Variants in KSR2 observed in about 807,000 individuals in gnomAD.
KSR2 encodes the protein kinase suppressor of ras 2.
In KSR2, 25 loss-of-function variants were observed where a neutral mutation model predicts 107.8. That is an observed-to-expected ratio of 0.23 (90% CI 0.17 to 0.32). The LOEUF (loss-of-function observed/expected upper bound fraction) is 0.32. KSR2 is among the 10% of genes least tolerant of loss of function. The pLI is 1.00. For missense variants in KSR2, 887 were observed against 1,268.9 expected (o/e 0.70, Z 4.57); for synonymous variants, 480 against 507.0 (o/e 0.95, Z 0.71).
chr12:117,784,169 TC>T (rs1889980550), intron 3 of KSR2, among the ~76,000 whole-genome samples: 1 of 152,150 alleles, frequency 6.6e-6, no homozygotes, highest in South Asian at 2.1e-4. Context: ...CTTGGCTGTG[TC>T]CCCACCCAAA....
At chr12:117,911,949 T>C (rs989423034) in intron 1 of KSR2, among the ~76,000 whole-genome samples, 1 of 152,244 alleles carries the variant, frequency 6.6e-6, no homozygotes, top group African/African-American at 2.4e-5. Context: ...TTTAGACATC[T>C]GATGCTATCT....
intron 3 of KSR2, among the ~76,000 whole-genome samples, chr12:117,852,379 G>T (rs1415558962): frequency 6.6e-6 from 1 of 152,000 alleles, no homozygotes; most frequent in African/African-American, 2.4e-5. Context: ...AATGAGCCGA[G>T]GTCGCACCAC....
At chr12:117,729,005 A>T (rs1887555686) in intron 4 of KSR2, among the ~76,000 whole-genome samples, 1 of 152,210 alleles carries the variant, frequency 6.6e-6, no homozygotes, top group Admixed American at 6.5e-5. Flanking sequence ...GTACTCCATA[A>T]ATGCGAGTTT....
chr12:117,856,936 C>T (rs1422140283), intron 2 of KSR2, among the ~76,000 whole-genome samples: 1 of 152,146 alleles, frequency 6.6e-6, no homozygotes, highest in Non-Finnish European at 1.5e-5. Flanking sequence ...TTCAACTCAC[C>T]CAGGCAGGCA....
intron 7 of KSR2, among the ~76,000 whole-genome samples, chr12:117,573,818 C>T (rs36048949): frequency 0.04 from 6,140 of 152,134 alleles, 194 homozygotes; most frequent in Non-Finnish European, 0.057. Context: ...CATGAGCCAC[C>T]GTGCCTGGCT....
At chr12:117,497,310 C>A (rs1050467692) in intron 14 of KSR2, among the ~76,000 whole-genome samples, 1 of 152,096 alleles carries the variant, frequency 6.6e-6, no homozygotes, top group Non-Finnish European at 1.5e-5. Flanking sequence ...ATAATTAGGG[C>A]AATAGAGAAA....
intron 14 of KSR2, among the ~76,000 whole-genome samples, chr12:117,493,001 C>T (rs796907797): frequency 6.6e-6 from 1 of 152,154 alleles, no homozygotes; most frequent in Non-Finnish European, 1.5e-5. Context: ...CTTTGGACTT[C>T]TGACTTTCAG....
intron 3 of KSR2, among the ~76,000 whole-genome samples, chr12:117,815,336 T>C (rs1403816432): frequency 2.0e-5 from 3 of 152,072 alleles, no homozygotes; most frequent in Non-Finnish European, 4.4e-5. Flanking sequence ...TAGGAAGCCA[T>C]GAAAAAGATC....
chr12:117,646,386 C>T (rs537625970), intron 5 of KSR2, among the ~76,000 whole-genome samples: 305 of 152,240 alleles, frequency 2.0e-3, no homozygotes, highest in Admixed American at 3.3e-3. Flanking sequence ...GGCAGCTCTG[C>T]GAGGCCGGGA....
chr12:117,671,948 A>G (rs1884923812), intron 4 of KSR2, among the ~76,000 whole-genome samples: 2 of 152,236 alleles, frequency 1.3e-5, no homozygotes, highest in South Asian at 2.1e-4. Context: ...AGCAGGTTAA[A>G]AGCCCCACTG....
intron 3 of KSR2, among the ~76,000 whole-genome samples, chr12:117,765,463 G>A (rs974773526): frequency 4.6e-5 from 7 of 152,164 alleles, no homozygotes; most frequent in African/African-American, 1.7e-4. Context: ...CAGTTTGGGG[G>A]CTCATAAAAT....
At chr12:117,495,998 G>C (rs1245853816) in intron 14 of KSR2, among the ~76,000 whole-genome samples, 2 of 150,106 alleles carry the variant, frequency 1.3e-5, no homozygotes, top group African/African-American at 4.9e-5. Flanking sequence ...AGGTTGCAGT[G>C]AGCCGAGATT....
At chr12:117,562,374 G>A (rs568924788) in intron 7 of KSR2, among the ~76,000 whole-genome samples, 1 of 152,206 alleles carries the variant, frequency 6.6e-6, no homozygotes, top group Non-Finnish European at 1.5e-5. Flanking sequence ...CCAGACTGAT[G>A]TTTGGGAAGC....
intron 5 of KSR2, among the ~76,000 whole-genome samples, chr12:117,616,177 A>AG (rs1491306784): frequency 1.3e-5 from 2 of 148,388 alleles, no homozygotes; most frequent in Admixed American, 6.7e-5. Context: ...AAAAAAAAAC[A>AG]GATTTTAAAA....
chr12:117,640,316 T>C (rs192553666), intron 5 of KSR2, among the ~76,000 whole-genome samples: 1 of 152,096 alleles, frequency 6.6e-6, no homozygotes, highest in Admixed American at 6.5e-5. Flanking sequence ...AGTGGCGCGA[T>C]CTCAGCTCAC....
At chr12:117,564,928 A>C (rs1449358706) in intron 7 of KSR2, among the ~76,000 whole-genome samples, 10 of 152,200 alleles carry the variant, frequency 6.6e-5, no homozygotes, top group Admixed American at 5.2e-4. Context: ...TGTGAAATGC[A>C]ATGATGCCCC....
intron 1 of KSR2, among the ~76,000 whole-genome samples, chr12:117,930,319 C>T (rs1895662197): frequency 1.3e-5 from 2 of 152,164 alleles, no homozygotes; most frequent in South Asian, 2.1e-4. Flanking sequence ...CAGGCATGAG[C>T]CACCGCACCC....
At chr12:117,743,624 A>G (rs1023603405) in intron 4 of KSR2, among the ~76,000 whole-genome samples, 5 of 152,234 alleles carry the variant, frequency 3.3e-5, no homozygotes, top group Admixed American at 2.0e-4. Context: ...TCTTGCAGAG[A>G]AGGAAACTAT....
chr12:117,871,830 AT>A (rs34011597), intron 1 of KSR2, among the ~76,000 whole-genome samples: 1 of 151,588 alleles, frequency 6.6e-6, no homozygotes, highest in African/African-American at 2.4e-5. Context: ...TAAGATATGG[AT>A]TTTTTTTAAG....
Sources: gnomAD v4.1 joint callset for allele counts (sites outside exome capture counted in the v4.1 genomes callset) on GRCh38, gnomAD v4.1.1 for gene constraint, MANE v1.5 for transcripts, NCBI Gene and HGNC (gene_info 2026-07-23, HGNC 2026-07-21) for gene names.